ASIC2: variants seen among roughly 807,000 people sequenced by gnomAD.
ASIC2 encodes the protein acid-sensing ion channel 2.
ASIC2 carries 25 observed loss-of-function variants against 57.3 expected under a neutral mutation model. The ratio of observed to expected loss-of-function variants is 0.44; its 90% CI spans 0.32 to 0.61. The LOEUF is 0.61. Among genes scored for constraint, ASIC2 ranks in the 20% least tolerant of loss-of-function variants. ASIC2 has a pLI of 0.06. For missense variants in ASIC2, 641 were observed against 738.1 expected (o/e 0.87, Z 1.52); for synonymous variants, 319 against 307.5 (o/e 1.04, Z -0.39).
intron 1 of ASIC2, among the ~76,000 whole-genome samples, chr17:33,506,260 A>C (rs1914254027): frequency 6.6e-6 from 1 of 151,244 alleles, no homozygotes; most frequent in Admixed American, 6.6e-5. Context: ...AAAAAAAGAA[A>C]AAATTAGCTG....
At chr17:34,048,305 G>A (rs1172347099) in intron 1 of ASIC2, among the ~76,000 whole-genome samples, 1 of 152,180 alleles carries the variant, frequency 6.6e-6, no homozygotes, top group African/African-American at 2.4e-5. Context: ...CTAAAATTTG[G>A]TTCGGAGAAA....
At chr17:33,027,661 C>T (rs930838897) in intron 4 of ASIC2, among the ~76,000 whole-genome samples, 3 of 151,952 alleles carry the variant, frequency 2.0e-5, no homozygotes, top group African/African-American at 7.3e-5. Context: ...AAACCAAGGC[C>T]CCACTCATGT....
intron 1 of ASIC2, among the ~76,000 whole-genome samples, chr17:33,424,223 C>T (rs975934693): frequency 6.6e-6 from 1 of 152,184 alleles, no homozygotes; most frequent in South Asian, 2.1e-4. Context: ...TATACGTTTC[C>T]CCATTTCTCC....
chr17:33,844,594 T>A (rs75736866), intron 1 of ASIC2, among the ~76,000 whole-genome samples: 1 of 152,170 alleles, frequency 6.6e-6, no homozygotes, highest in Non-Finnish European at 1.5e-5. Context: ...AAAACAGAGA[T>A]GATAGTCATC....
At chr17:33,805,831 ATG>A (rs1912252523) in intron 1 of ASIC2, among the ~76,000 whole-genome samples, 1 of 152,186 alleles carries the variant, frequency 6.6e-6, no homozygotes, top group African/African-American at 2.4e-5. Context: ...ATTTTTCAGA[ATG>A]TTACACACAC....
At chr17:33,265,618 A>G (rs749139013) in intron 1 of ASIC2, among the ~76,000 whole-genome samples, 1 of 152,218 alleles carries the variant, frequency 6.6e-6, no homozygotes, top group Non-Finnish European at 1.5e-5. Context: ...ATATTTACCT[A>G]TGTAAGAAAC....
intron 1 of ASIC2, among the ~76,000 whole-genome samples, chr17:33,503,459 G>A (rs1245601608): frequency 6.6e-6 from 1 of 152,084 alleles, no homozygotes; most frequent in African/African-American, 2.4e-5. Flanking sequence ...ATTTTCCTGG[G>A]AGTCAGGGTT....
intron 1 of ASIC2, among the ~76,000 whole-genome samples, chr17:33,256,084 T>G (rs1054381559): frequency 6.6e-6 from 1 of 152,222 alleles, no homozygotes; most frequent in African/African-American, 2.4e-5. Flanking sequence ...GAGTGGTCAC[T>G]TAAAAAAATA....
At chr17:33,268,224 T>C (rs980276923) in intron 1 of ASIC2, among the ~76,000 whole-genome samples, 2 of 152,192 alleles carry the variant, frequency 1.3e-5, no homozygotes, top group Non-Finnish European at 2.9e-5. Flanking sequence ...CTGATGTCTT[T>C]CCAATATAAT....
chr17:33,996,037 C>T (rs1906149311), intron 1 of ASIC2, among the ~76,000 whole-genome samples: 2 of 152,038 alleles, frequency 1.3e-5, no homozygotes, highest in Non-Finnish European at 2.9e-5. Context: ...TTATAATATC[C>T]ATTTTAACAG....
chr17:33,420,538 A>G (rs1326925971), intron 1 of ASIC2, among the ~76,000 whole-genome samples: 3 of 152,192 alleles, frequency 2.0e-5, no homozygotes, highest in African/African-American at 7.2e-5. Context: ...TCATCTACTT[A>G]TGGTACTACC....
chr17:33,431,073 C>T (rs185626409), intron 1 of ASIC2, among the ~76,000 whole-genome samples: 2 of 152,258 alleles, frequency 1.3e-5, no homozygotes, highest in Non-Finnish European at 2.9e-5. Flanking sequence ...AGAGAATCCC[C>T]AAGTAGCCAG....
At chr17:33,518,213 G>C (rs1425903346) in intron 1 of ASIC2, among the ~76,000 whole-genome samples, 3 of 152,214 alleles carry the variant, frequency 2.0e-5, no homozygotes, top group Non-Finnish European at 1.5e-5. Context: ...TAGAAATTTG[G>C]AAATTGAAAC....
intron 1 of ASIC2, among the ~76,000 whole-genome samples, chr17:33,450,201 T>G (rs2141989608): frequency 6.6e-6 from 1 of 152,356 alleles, no homozygotes; most frequent in South Asian, 2.1e-4. Context: ...ACACTGGAAC[T>G]TATGTTTAGG....
chr17:33,140,155 T>C lies in ASIC2; in HGVS notation c.709-28088A>G, dbSNP rs193086761. On this transcript the variant is annotated intron_variant, in intron 1 of 9. Transcript: ENST00000225823. ...CCAGGAATCTGGGCTTTAAATAAGCTTCTCAGGTGAGTCCCGAAGTCTAAG... is the reference window on the plus strand; with the variant it reads ...CCAGGAATCTGGGCTTTAAATAAGCCTCTCAGGTGAGTCCCGAAGTCTAAG... Among the ~76,000 whole-genome samples, 541 of 152,342 alleles carry C rather than the reference T, an allele frequency of 3.6e-3. 2 individuals carry two copies. The highest frequency in any genetic ancestry group is 0.01 in the Middle Eastern group (3 of 294).
chr17:33,258,110 A>G (rs547156712), intron 1 of ASIC2, among the ~76,000 whole-genome samples: 45 of 152,352 alleles, frequency 3.0e-4, no homozygotes, highest in African/African-American at 9.9e-4. Context: ...AACTGTAATC[A>G]GGTAGGTGTC....
rs560911985 is a variant in ASIC2, at chr17:33,463,122, C to A, written c.556-351055G>T. On this transcript the variant is annotated intron_variant, in intron 1 of 9. Coordinates refer to the ASIC2 transcript ENST00000359872. ...CCACTCACTCCTTTTGAATTATAGT[C>A]TCAGATTGTGGATCCTTTCTAATGG... Among the ~76,000 whole-genome samples the A allele has an allele frequency of 9.8e-5, 15 of 152,308 alleles. No individual in the cohort carries two copies. In the East Asian group the frequency reaches 2.3e-3, roughly 24 times the overall value.
At chr17:33,876,874 C>T (rs868475576) in intron 1 of ASIC2, among the ~76,000 whole-genome samples, 2 of 152,132 alleles carry the variant, frequency 1.3e-5, no homozygotes, top group South Asian at 2.1e-4. Context: ...CCCAGGAACC[C>T]GTGCATTACG....
chr17:33,492,936 C>T (rs934562144), intron 1 of ASIC2, among the ~76,000 whole-genome samples: 1 of 152,220 alleles, frequency 6.6e-6, no homozygotes, highest in Non-Finnish European at 1.5e-5. Context: ...CCCTCTAAGC[C>T]ACAGAGGTTT....
Sources: allele counts gnomAD v4.1 joint callset (sites outside exome capture counted in the v4.1 genomes callset), GRCh38; gene constraint gnomAD v4.1.1; transcripts MANE v1.5; gene names NCBI Gene and HGNC (gene_info 2026-07-23, HGNC 2026-07-21).